FGD3: variants seen among roughly 807,000 people sequenced by gnomAD.
The protein encoded by FGD3 is FYVE, RhoGEF and PH domain containing 3.
In FGD3, 45 loss-of-function variants were observed where a neutral mutation model predicts 71.8. The observed-to-expected ratio is 0.63, with a 90% CI of 0.49 to 0.80. FGD3 has a LOEUF of 0.80. Among genes scored for constraint, FGD3 ranks in the 30% least tolerant of loss-of-function variants. The pLI is 0.00. For missense variants in FGD3, 844 were observed against 951.5 expected, an observed-to-expected ratio of 0.89 and a Z score of 1.49; for synonymous variants, 378 against 392.8, an observed-to-expected ratio of 0.96 and a Z score of 0.44.
At chr9:93,024,410 G>C (rs1411083800) in intron 14 of FGD3, among the ~76,000 whole-genome samples, 3 of 152,234 alleles carry the variant, frequency 2.0e-5, no homozygotes, top group African/African-American at 2.4e-5. Context: ...CCCTGGCACA[G>C]AGCACTGCCT....
rs1184923461 is a variant in FGD3, at chr9:92,976,392, C to A, written c.136C>A (p.Pro46Thr). The part of the protein sequence containing the change: ...PVGPRAHCGD[P>T]VSLAAAGDGS... The stretch of plus-strand genomic sequence containing the variant: ...TGGGCCCAGAGCCCACTGTGGGGAC[C>A]CTGTCAGCCTGGCTGCAGCAGGGGA... Residue 46 changes from proline (P) to threonine (T), a missense_variant, in exon 3 of 18, where the codon CCT (proline) becomes ACT (threonine). Transcript: ENST00000375482. 1.9e-6 allele frequency: 3 copies of A among 1,610,734 alleles called. No homozygotes were observed. Among genetic ancestry groups the A allele is most frequent in the Non-Finnish European group, 2.5e-6 (3 of 1,179,024 alleles).
At chr9:93,005,748 A>G (rs1587846461) in intron 5 of FGD3, among the ~76,000 whole-genome samples, 1 of 152,238 alleles carries the variant, frequency 6.6e-6, no homozygotes, top group Non-Finnish European at 1.5e-5. Context: ...CGATTCTGCT[A>G]CTACTGCTAT....
At chr9:93,012,937 T>C (rs1861494226) in intron 8 of FGD3, among the ~76,000 whole-genome samples, 1 of 151,640 alleles carries the variant, frequency 6.6e-6, no homozygotes, top group African/African-American at 2.4e-5. Flanking sequence ...ATTTCTCCAC[T>C]ATTAGACACC....
chr9:92,949,880 T>C (rs1389099797), intron 1 of FGD3, among the ~76,000 whole-genome samples: 2 of 152,204 alleles, frequency 1.3e-5, no homozygotes, highest in Admixed American at 1.3e-4. Flanking sequence ...GCCCTGTGCC[T>C]ACCGGCAGAG....
chr9:92,960,049 T>A (rs1859141161), intron 1 of FGD3, among the ~76,000 whole-genome samples: 1 of 151,972 alleles, frequency 6.6e-6, no homozygotes, highest in Non-Finnish European at 1.5e-5. Flanking sequence ...CATATCCCCA[T>A]GTCTCCATGT....
chr9:93,009,650 A>C (rs1378228410), intron 6 of FGD3, among the ~76,000 whole-genome samples: 1 of 152,200 alleles, frequency 6.6e-6, no homozygotes, highest in Non-Finnish European at 1.5e-5. Context: ...CCAGATGGAG[A>C]CATGGCAGCA....
At chr9:93,020,101 A>G (rs1015858222) in intron 12 of FGD3, among the ~76,000 whole-genome samples, 1 of 152,214 alleles carries the variant, frequency 6.6e-6, no homozygotes, top group Admixed American at 6.5e-5. Context: ...GTGGAGTCAC[A>G]GGCCAGGTTC....
rs547639496 is a variant in FGD3 at position 92,967,065 on chromosome 9, G to A, written c.-217-8173G>A. On this transcript the variant is annotated intron_variant, in intron 1 of 17. Coordinates refer to ENST00000375482, the MANE Select transcript of FGD3 (RefSeq NM_001083536.2). Reference sequence around the variant, plus strand: ...CAACCTCCATCTCCCAGGTTCAAGCGATTCTCCTGCTTCAGCCTCCCAAGT... The same window carrying A: ...CAACCTCCATCTCCCAGGTTCAAGCAATTCTCCTGCTTCAGCCTCCCAAGT... 1.1e-4 allele frequency among the ~76,000 whole-genome samples: 17 copies of A among 151,362 alleles called. 1 individual carries two copies. The South Asian group carries it at 2.9e-3, about 26-fold the overall frequency.
chr9:92,975,543 TG>T (rs1286164023), intron 2 of FGD3, 138 bp downstream of exon 2: 1 of 152,212 alleles, frequency 6.6e-6, no homozygotes, highest in East Asian at 1.9e-4. Context: ...AGGCGCCCGG[TG>T]AATTTTCTGT....
chr9:92,966,171 G>T (rs1274313284), intron 1 of FGD3, among the ~76,000 whole-genome samples: 1 of 152,134 alleles, frequency 6.6e-6, no homozygotes, highest in Non-Finnish European at 1.5e-5. Context: ...GGTGACAAGG[G>T]GCCCATTGTC....
chr9:93,006,789 C>T (rs1013762078), intron 6 of FGD3, among the ~76,000 whole-genome samples: 4 of 151,564 alleles, frequency 2.6e-5, no homozygotes, highest in East Asian at 3.9e-4. Context: ...TGTAGTGGCA[C>T]GATCTCGGCT....
At chr9:92,970,405 G>T (rs1224597763) in intron 1 of FGD3, among the ~76,000 whole-genome samples, 1 of 152,230 alleles carries the variant, frequency 6.6e-6, no homozygotes, top group Non-Finnish European at 1.5e-5. Flanking sequence ...ACACTTCCAA[G>T]TTGCCTCAAG....
At chr9:92,982,691 A>C (rs189114727) in intron 3 of FGD3, among the ~76,000 whole-genome samples, 4 of 152,140 alleles carry the variant, frequency 2.6e-5, no homozygotes, top group Non-Finnish European at 2.9e-5. Flanking sequence ...GCTCTCCATA[A>C]GAGTCCTGAA....
At chr9:93,030,987 T>C (rs540225401) in intron 15 of FGD3, among the ~76,000 whole-genome samples, 33 of 151,934 alleles carry the variant, frequency 2.2e-4, no homozygotes, top group Non-Finnish European at 3.7e-4. Flanking sequence ...AGACGAATAG[T>C]TGGATGGCAT....
At chr9:92,994,613 C>A (rs990806723) in intron 3 of FGD3, among the ~76,000 whole-genome samples, 1 of 152,122 alleles carries the variant, frequency 6.6e-6, no homozygotes, top group Non-Finnish European at 1.5e-5. Flanking sequence ...TTAGGTCTAA[C>A]GTTTAAGTCT....
At position 93,018,215 on chromosome 9, in the gene FGD3, G is replaced by T. The variant is rs200377280; in HGVS notation, c.1355G>T (p.Arg452Leu). ...GRKRSLELQT[R>L]TEEEKKEWIQ... ...AAAAGGTCCCTGGAGCTGCAGACGC[G>T]GTATGGAACGGGCTGTTTCTAGTGA... Residue 452 changes from arginine to leucine, a missense_variant and splice_region_variant, in exon 11 of 18, where the codon CGG (arginine) becomes CTG (leucine). Arg to Leu is a moderately radical substitution (Grantham distance 102). Coordinates refer to ENST00000375482, the MANE Select transcript of FGD3 (RefSeq NM_001083536.2). The T allele has an allele frequency of 6.2e-7, 1 of 1,613,342 alleles. No homozygotes were observed. Among genetic ancestry groups the T allele is most frequent in the East Asian group, 2.2e-5 (1 of 44,878 alleles).
At chr9:92,989,538 A>G (rs1860319365) in intron 3 of FGD3, among the ~76,000 whole-genome samples, 1 of 152,258 alleles carries the variant, frequency 6.6e-6, no homozygotes, top group African/African-American at 2.4e-5. Context: ...AGAAATAAAC[A>G]TGGAATCATA....
At position 92,956,235 on chromosome 9, in the gene FGD3, C is replaced by T. The variant is rs79172316; in HGVS notation, c.-218+8506C>T. 5.6e-3 allele frequency among the ~76,000 whole-genome samples: 858 copies of T among 152,206 alleles called. 8 individuals are homozygous for T. Among genetic ancestry groups the T allele is most frequent in the African/African-American group, 0.02 (812 of 41,496 alleles). ...TTCCTTTCTGCTCAGCATGCATTTT[C>T]GTTTCTGTTCTTGTTTTATTGCACT... On this transcript the variant is annotated intron_variant, in intron 1 of 17. Coordinates refer to ENST00000375482, the MANE Select transcript of FGD3 (RefSeq NM_001083536.2).
chr9:93,016,037 G>GC (rs1451610072), intron 10 of FGD3, among the ~76,000 whole-genome samples: 1 of 152,200 alleles, frequency 6.6e-6, no homozygotes, highest in East Asian at 1.9e-4. Context: ...ACCCTTCTCT[G>GC]CTTGGCCCAC....
Sources: gnomAD v4.1 joint callset for allele counts (sites outside exome capture counted in the v4.1 genomes callset) on GRCh38, gnomAD v4.1.1 for gene constraint, MANE v1.5 for transcripts, NCBI Gene and HGNC (gene_info 2026-07-23, HGNC 2026-07-21) for gene names.